Variants in SLC24A4 observed in about 807,000 individuals in gnomAD.
The protein encoded by SLC24A4 is solute carrier family 24 member 4.
SLC24A4 carries 53 observed loss-of-function variants against 79.0 expected under a neutral mutation model. The ratio of observed to expected loss-of-function variants is 0.67; its 90% CI spans 0.54 to 0.84. The LOEUF (loss-of-function observed/expected upper bound fraction) is 0.84. Among genes scored for constraint, SLC24A4 ranks in the 40% least tolerant of loss-of-function variants. The probability of loss-of-function intolerance (pLI) is 0.00; values close to 1 mark genes in which losing one functional copy is unlikely to be tolerated. For synonymous variants in SLC24A4, 323 were observed against 323.8 expected (o/e 1.00, Z 0.03); for missense variants, 731 against 822.0 (o/e 0.89, Z 1.35).
intron 2 of SLC24A4, among the ~76,000 whole-genome samples, chr14:92,387,720 C>T (rs1288281997): frequency 1.3e-5 from 2 of 152,226 alleles, no homozygotes; most frequent in African/African-American, 2.4e-5. Context: ...ACATTCCTTC[C>T]TCAATCCAGC....
At chr14:92,447,794 C>G (rs1426178280) in intron 9 of SLC24A4, among the ~76,000 whole-genome samples, 1 of 152,220 alleles carries the variant, frequency 6.6e-6, no homozygotes, top group African/African-American at 2.4e-5. Flanking sequence ...TTTAATACCA[C>G]TCTTTTCAAA....
chr14:92,463,269 C>G lies in SLC24A4; in HGVS notation c.1255+6661C>G, dbSNP rs1334132771. Among the ~76,000 whole-genome samples the G allele has an allele frequency of 3.3e-5, 5 of 152,228 alleles. No homozygotes were observed. In the East Asian group the frequency reaches 9.6e-4, roughly 29 times the overall value. ...GGGGAGGAGAGAGGTCTTTGTGGTC[C>G]TTTTAAGCTCAGAAGGCGGCACTGC... On this transcript the variant is annotated intron_variant, in intron 12 of 16. Transcript: ENST00000532405.
chr14:92,496,971 T>A lies in SLC24A4; in HGVS notation c.*3343T>A, dbSNP rs1389345139. 1 of 152,178 alleles carries A rather than the reference T, an allele frequency of 6.6e-6. No individual in the cohort carries two copies. Among genetic ancestry groups the A allele is most frequent in the African/African-American group, 2.4e-5 (1 of 41,402 alleles). The allele number at this position is 152,178 out of a possible 1,614,324, so 9.4% of individuals were successfully genotyped here. A position where few individuals can be genotyped will look rare whatever the true frequency, so the allele number is the denominator to read the frequency against. Reference sequence around the variant, plus strand: ...GTGCGCCACCACACCCAGCTAATTTTTGTATTTTTAGTAGAGACGGGTTTT... The same window carrying A: ...GTGCGCCACCACACCCAGCTAATTTATGTATTTTTAGTAGAGACGGGTTTT... On this transcript the variant is annotated 3_prime_UTR_variant, in exon 17 of 17. Transcript: ENST00000532405.
At chr14:92,420,525 C>T (rs1891220240) in intron 2 of SLC24A4, among the ~76,000 whole-genome samples, 1 of 152,032 alleles carries the variant, frequency 6.6e-6, no homozygotes, top group Non-Finnish European at 1.5e-5. Context: ...TTTGTTAAGA[C>T]AGTCCTAAGA....
Position 92,449,061 on chromosome 14 carries a change from CCCT to C in SLC24A4, c.738-11_738-9del. 1 of 1,613,930 alleles carries C rather than the reference CCCT, an allele frequency of 6.2e-7. No individual in the cohort carries two copies. The highest frequency in any genetic ancestry group is 8.5e-7 in the Non-Finnish European group (1 of 1,179,868). On this transcript the variant is annotated splice_polypyrimidine_tract_variant and intron_variant, in intron 9 of 16. Transcript: ENST00000532405. The stretch of plus-strand genomic sequence containing the variant: ...TTCCATTGCCCTGACCTCCTGCCTC[CCCT>C]CGCTTCCAGGTACAATGTGAAGATG...
chr14:92,441,541 A>G lies in SLC24A4; in HGVS notation c.394-548A>G, dbSNP rs1196158389. 6.6e-6 allele frequency among the ~76,000 whole-genome samples: 1 copy of G among 152,170 alleles called. No individual in the cohort carries two copies. Among genetic ancestry groups the G allele is most frequent in the Non-Finnish European group, 1.5e-5 (1 of 68,032 alleles). On this transcript the variant is annotated intron_variant, in intron 4 of 16. Coordinates refer to ENST00000532405, the MANE Select transcript of SLC24A4 (RefSeq NM_153646.4). This position sits in a 1 kb window ranked among gnomAD's most constrained non-coding sequence, Gnocchi z 4.6. Reference sequence around the variant, plus strand: ...CCAGATCCACAATGCTGACATTCTCATTGAGGCCCCCAGTACCCAAAACCG... The same window carrying G: ...CCAGATCCACAATGCTGACATTCTCGTTGAGGCCCCCAGTACCCAAAACCG...
At chr14:92,384,453 C>T (rs1414276953) in intron 2 of SLC24A4, among the ~76,000 whole-genome samples, 2 of 149,852 alleles carry the variant, frequency 1.3e-5, no homozygotes, top group Non-Finnish European at 3.0e-5. Flanking sequence ...TCAGTGTGTG[C>T]ATGGGGGCCT....
At position 92,443,491 on chromosome 14, in the gene SLC24A4, C is replaced by T. The variant is rs370978056; in HGVS notation, c.657+17C>T. On this transcript the variant is annotated intron_variant, in intron 7 of 16. Transcript: ENST00000532405. Reference sequence around the variant, plus strand: ...CTCATCGTGGTGAGTTGCCCCTCTGCCCCCAAGGTCAGGTTGGCTGGGACC... The same window carrying T: ...CTCATCGTGGTGAGTTGCCCCTCTGTCCCCAAGGTCAGGTTGGCTGGGACC... 2 of 1,613,562 alleles carry T rather than the reference C, an allele frequency of 1.2e-6. No individual in the cohort carries two copies. The highest frequency in any genetic ancestry group is 8.5e-7 in the Non-Finnish European group (1 of 1,179,630).
intron 2 of SLC24A4, among the ~76,000 whole-genome samples, chr14:92,408,783 C>G (rs1032496329): frequency 1.3e-5 from 2 of 152,188 alleles, no homozygotes; most frequent in Non-Finnish European, 2.9e-5. Context: ...GCAAATTAAT[C>G]TATACTTGTT....
At chr14:92,436,153 G>GAA (rs1892153855) in intron 3 of SLC24A4, among the ~76,000 whole-genome samples, 1 of 152,210 alleles carries the variant, frequency 6.6e-6, no homozygotes, top group Admixed American at 6.5e-5. Flanking sequence ...AATTATGGTA[G>GAA]AAGGGGAGGA....
At chr14:92,344,718 C>G (rs919541106) in intron 2 of SLC24A4, among the ~76,000 whole-genome samples, 10 of 152,052 alleles carry the variant, frequency 6.6e-5, no homozygotes, top group Admixed American at 2.0e-4. Context: ...ATTTCAGAGA[C>G]TGGGTTTTGA....
At chr14:92,457,976 T>G (rs1893579114) in intron 12 of SLC24A4, among the ~76,000 whole-genome samples, 1 of 152,228 alleles carries the variant, frequency 6.6e-6, no homozygotes. Flanking sequence ...CCTGCTTTCA[T>G]GCTTCCGCAT....
At chr14:92,380,669 G>A (rs767702057) in intron 2 of SLC24A4, among the ~76,000 whole-genome samples, 5 of 152,226 alleles carry the variant, frequency 3.3e-5, no homozygotes, top group African/African-American at 4.8e-5. Flanking sequence ...AGGAACTTGC[G>A]GCTCCCGCCC....
intron 13 of SLC24A4, among the ~76,000 whole-genome samples, chr14:92,485,081 G>C (rs17184271): frequency 0.081 from 12,280 of 152,280 alleles, 675 homozygotes; most frequent in East Asian, 0.14. Flanking sequence ...CAGCAGTGCT[G>C]TTTCCATGCT....
intron 2 of SLC24A4, among the ~76,000 whole-genome samples, chr14:92,354,342 G>A (rs148134114): frequency 1.3e-5 from 2 of 151,924 alleles, no homozygotes; most frequent in Admixed American, 6.6e-5. Context: ...CAGTAGAGAC[G>A]GGGTTTCACT....
At chr14:92,443,363 G>T in intron 6 of SLC24A4, 37 bp from the exon 7 acceptor site, 1 of 1,611,386 alleles carries the variant, frequency 6.2e-7, no homozygotes, top group Non-Finnish European at 8.5e-7. Flanking sequence ...CCCCGCTTCT[G>T]CGCTCATAGC....
At chr14:92,424,248 A>T (rs958685477) in intron 2 of SLC24A4, among the ~76,000 whole-genome samples, 1 of 152,226 alleles carries the variant, frequency 6.6e-6, no homozygotes, top group Non-Finnish European at 1.5e-5. Context: ...AAGTGATGGT[A>T]TTTGGAGATA....
chr14:92,342,557 A>G (rs910217433), intron 2 of SLC24A4, among the ~76,000 whole-genome samples: 4 of 151,648 alleles, frequency 2.6e-5, no homozygotes, highest in African/African-American at 9.7e-5. Context: ...CTAATTTTGT[A>G]TTTTTAGTAG....
rs1331729691 is a variant in SLC24A4, at chr14:92,494,000, T to C, written c.*372T>C. On this transcript the variant is annotated 3_prime_UTR_variant, in exon 17 of 17. Transcript: ENST00000532405. ...CAGGCAGCTTCAGAATTGAGGTCAT[T>C]TGTGAGCACAAGATCTCATAGGGCA... 4.9e-6 allele frequency: 1 copy of C among 202,144 alleles called. No homozygotes were observed. The highest frequency in any genetic ancestry group is 1.2e-4 in the East Asian group (1 of 8,140). 12.5% of individuals were successfully genotyped at this position (202,144 alleles called of 1,614,324 possible).
Sources: gnomAD v4.1 joint callset for allele counts (sites outside exome capture counted in the v4.1 genomes callset) on GRCh38, gnomAD v4.1.1 for gene constraint, Gnocchi (gnomAD v3.1) non-coding constraint, MANE v1.5 for transcripts, NCBI Gene and HGNC (gene_info 2026-07-23, HGNC 2026-07-21) for gene names.